Variants in CEP57 observed in about 807,000 individuals in gnomAD.
CEP57 encodes the protein centrosomal protein of 57 kDa.
A neutral mutation model predicts 68.0 loss-of-function variants in CEP57; 40 were observed. The ratio of observed to expected loss-of-function variants is 0.59; its 90% CI spans 0.46 to 0.77. The LOEUF is 0.77. Ranked by LOEUF, CEP57 falls within the 30% of genes least tolerant of loss-of-function variation. CEP57 has a pLI of 0.00. For missense variants in CEP57, 606 were observed against 580.7 expected, an observed-to-expected ratio of 1.04 and a Z score of -0.45; for synonymous variants, 219 against 198.7, an observed-to-expected ratio of 1.10 and a Z score of -0.86.
At chr11:95,829,462 AT>A in intron 10 of CEP57, 131 bp downstream of exon 10, 1 of 962,150 alleles carries the variant, frequency 1.0e-6, no homozygotes. Flanking sequence ...TACTGAAGAC[AT>A]TTGTTCATTG....
At chr11:95,799,492 C>A in intron 2 of CEP57, 104 bp downstream of exon 2, 1 of 1,369,514 alleles carries the variant, frequency 7.3e-7, no homozygotes, top group Non-Finnish European at 1.0e-6. Flanking sequence ...ATATATTTCC[C>A]CTTTGCTTCC....
intron 6 of CEP57, 106 bp downstream of exon 6, chr11:95,819,010 G>C: frequency 2.3e-6 from 2 of 866,834 alleles, no homozygotes; most frequent in South Asian, 1.5e-5. Flanking sequence ...TTTTAGAATA[G>C]TCCAACATAC....
At chr11:95,819,692 C>T (rs1226267323) in intron 6 of CEP57, among the ~76,000 whole-genome samples, 2 of 152,144 alleles carry the variant, frequency 1.3e-5, no homozygotes, top group African/African-American at 4.8e-5. Flanking sequence ...AATCAGGTCT[C>T]GATTCCAAGG....
chr11:95,807,748 G>A (rs1355258838), intron 2 of CEP57, among the ~76,000 whole-genome samples: 1 of 152,232 alleles, frequency 6.6e-6, no homozygotes, highest in Non-Finnish European at 1.5e-5. Context: ...TCTGATTGGT[G>A]TACCTGAAAG....
intron 5 of CEP57, chr11:95,818,145 C>T (rs1318341175): frequency 5.1e-6 from 2 of 394,552 alleles, no homozygotes; most frequent in Non-Finnish European, 9.5e-6. Flanking sequence ...GGCGTGGTGG[C>T]TCACGCCTGT....
chr11:95,796,276 G>A (rs1198309081), intron 1 of CEP57, among the ~76,000 whole-genome samples: 2 of 152,212 alleles, frequency 1.3e-5, no homozygotes, highest in Non-Finnish European at 2.9e-5. Flanking sequence ...ACTAAAGGCT[G>A]CAGGAAAAGC....
chr11:95,802,475 G>A (rs977467549), intron 2 of CEP57, among the ~76,000 whole-genome samples: 3 of 151,936 alleles, frequency 2.0e-5, no homozygotes, highest in African/African-American at 7.3e-5. Flanking sequence ...GGATGGTCTC[G>A]ATCTCTTGAC....
intron 1 of CEP57, chr11:95,795,532 A>G: frequency 1.9e-6 from 1 of 531,852 alleles, no homozygotes; most frequent in South Asian, 2.7e-5. Context: ...GACTAGGGAA[A>G]TGAAGTACAA....
At position 95,822,734 on chromosome 11, in the gene CEP57, T is replaced by TG; in HGVS notation, c.885+162dup. ...TGAAAATGAGATGTAGGGAGGTTTTTGGGGATTAGGGAAGCAAGGAAGAGA... is the reference window on the plus strand; with the variant it reads ...TGAAAATGAGATGTAGGGAGGTTTTTGGGGGATTAGGGAAGCAAGGAAGAGA... On this transcript the variant is annotated intron_variant, in intron 8 of 10. Transcript: ENST00000325542. 7.1e-6 allele frequency: 4 copies of TG among 563,166 alleles called. No individual in the cohort carries two copies. The East Asian group carries it at 1.0e-4, about 14-fold the overall frequency. 34.9% of individuals were successfully genotyped at this position (563,166 alleles called of 1,614,324 possible). A position where few individuals can be genotyped will look rare whatever the true frequency, so the allele number is the denominator to read the frequency against.
chr11:95,797,255 C>T (rs1023338357), intron 1 of CEP57, among the ~76,000 whole-genome samples: 2 of 151,274 alleles, frequency 1.3e-5, no homozygotes, highest in African/African-American at 4.9e-5. Context: ...CAACCTCCAC[C>T]TCCTGGGTTC....
At chr11:95,797,681 G>A (rs1861408574) in intron 1 of CEP57, among the ~76,000 whole-genome samples, 1 of 151,894 alleles carries the variant, frequency 6.6e-6, no homozygotes, top group Non-Finnish European at 1.5e-5. Flanking sequence ...TATACCACAG[G>A]GCATACAGAT....
At chr11:95,805,796 A>C (rs1861771623) in intron 2 of CEP57, among the ~76,000 whole-genome samples, 1 of 152,198 alleles carries the variant, frequency 6.6e-6, no homozygotes, top group Non-Finnish European at 1.5e-5. Flanking sequence ...AAACTGTCTT[A>C]GGGTGTGTAT....
Sources: allele counts gnomAD v4.1 joint callset (sites outside exome capture counted in the v4.1 genomes callset), GRCh38; gene constraint gnomAD v4.1.1; transcripts MANE v1.5; gene names NCBI Gene and HGNC (gene_info 2026-07-23, HGNC 2026-07-21).